The following DCAF6 variants were observed in gnomAD, a reference collection of about 807,000 sequenced individuals.
The protein encoded by DCAF6 is DDB1- and CUL4-associated factor 6.
Under a neutral mutation model 125.1 loss-of-function variants are expected in DCAF6, and 54 were observed. The ratio of observed to expected loss-of-function variants is 0.43; its 90% CI spans 0.35 to 0.54. DCAF6 has a LOEUF of 0.54. DCAF6 is among the 20% of genes least tolerant of loss of function. DCAF6 has a pLI of 0.01. For synonymous variants in DCAF6, 371 were observed against 390.4 expected (o/e 0.95, Z 0.58); for missense variants, 934 against 1,161.7 (o/e 0.80, Z 2.85).
At chr1:167,977,944 A>G (rs1678505695) in intron 4 of DCAF6, among the ~76,000 whole-genome samples, 3 of 152,200 alleles carry the variant, frequency 2.0e-5, no homozygotes, top group African/African-American at 7.2e-5. Context: ...TGTTTTTTCT[A>G]ATACCCCTGT....
intron 11 of DCAF6, among the ~76,000 whole-genome samples, chr1:168,020,823 T>C (rs2103224798): frequency 6.6e-6 from 1 of 152,232 alleles, no homozygotes; most frequent in South Asian, 2.1e-4. Flanking sequence ...AAAAAACATG[T>C]CACTTAAAAT....
chr1:168,028,355 T>G (rs1686614386), intron 12 of DCAF6, among the ~76,000 whole-genome samples: 1 of 152,128 alleles, frequency 6.6e-6, no homozygotes, highest in Admixed American at 6.5e-5. Flanking sequence ...TGAGAGGATA[T>G]AAGAAAGTAA....
chr1:167,885,940 A>C, the DCAF6 span, among the ~76,000 whole-genome samples: 19 of 152,046 alleles, frequency 1.2e-4, no homozygotes, highest in African/African-American at 4.1e-4. Context: ...CCCATTTTTT[A>C]ATCAGATTAT....
chr1:168,038,341 T>G, intron 12 of DCAF6, 30 bp from the exon 13 acceptor site: 2 of 1,528,552 alleles, frequency 1.3e-6, no homozygotes, highest in Non-Finnish European at 1.8e-6. Flanking sequence ...TTTCAGAGAC[T>G]TTTTCAAATG....
intron 12 of DCAF6, among the ~76,000 whole-genome samples, chr1:168,029,776 C>T (rs962019871): frequency 5.9e-5 from 9 of 151,886 alleles, no homozygotes; most frequent in Non-Finnish European, 7.4e-5. Flanking sequence ...GTCAGGAGAT[C>T]GAGGCCATCC....
the DCAF6 span, among the ~76,000 whole-genome samples, chr1:167,916,352 G>A: frequency 1.4e-4 from 22 of 152,178 alleles, no homozygotes; most frequent in Non-Finnish European, 2.5e-4. Flanking sequence ...GATTACAGGC[G>A]TGCGCCACCA....
chr1:167,957,222 A>G (rs1243450259), intron 2 of DCAF6, among the ~76,000 whole-genome samples: 2 of 152,018 alleles, frequency 1.3e-5, no homozygotes, highest in South Asian at 2.1e-4. Flanking sequence ...TAATTCCTCT[A>G]ATTTTATCAT....
chr1:168,008,504 A>G (rs1253055809), intron 10 of DCAF6, among the ~76,000 whole-genome samples: 1 of 151,996 alleles, frequency 6.6e-6, no homozygotes, highest in Non-Finnish European at 1.5e-5. Flanking sequence ...CTTGTCTCCT[A>G]ATTAATCTGC....
intron 13 of DCAF6, 174 bp from the exon 14 acceptor site, chr1:168,042,851 T>G (rs773444009): frequency 1.2e-5 from 6 of 521,048 alleles, no homozygotes; most frequent in Non-Finnish European, 6.9e-6. Context: ...AAGTGTGTTA[T>G]GATAGTCATC....
At chr1:167,898,781 CTCTG>C in the DCAF6 span, among the ~76,000 whole-genome samples, 1 of 152,102 alleles carries the variant, frequency 6.6e-6, no homozygotes, top group African/African-American at 2.4e-5. Context: ...TGCACGGATT[CTCTG>C]TCTTTTCTTT....
At chr1:168,026,582 G>T (rs1371529831) in intron 12 of DCAF6, among the ~76,000 whole-genome samples, 1 of 152,114 alleles carries the variant, frequency 6.6e-6, no homozygotes, top group Non-Finnish European at 1.5e-5. Context: ...GGGACTTTGA[G>T]ACTGATAAGT....
chr1:167,983,980 AC>A (rs1366040365), intron 4 of DCAF6, among the ~76,000 whole-genome samples: 2 of 151,970 alleles, frequency 1.3e-5, no homozygotes, highest in African/African-American at 4.8e-5. Flanking sequence ...TTTGTGACTT[AC>A]AGTGGCTGCG....
the DCAF6 span, chr1:167,899,563 T>C: frequency 1.2e-6 from 2 of 1,614,216 alleles, no homozygotes; most frequent in Non-Finnish European, 1.7e-6. Flanking sequence ...GCCTGACCAA[T>C]CACCAGAAAG....
the DCAF6 span, among the ~76,000 whole-genome samples, chr1:167,907,720 A>C: frequency 3.3e-5 from 5 of 152,254 alleles, no homozygotes; most frequent in Admixed American, 2.6e-4. Flanking sequence ...GCAAGCCAAC[A>C]TTATTTCCTA....
chr1:167,955,026 C>T (rs978120555), intron 2 of DCAF6, among the ~76,000 whole-genome samples: 3 of 152,086 alleles, frequency 2.0e-5, no homozygotes. Flanking sequence ...GACTATGTAT[C>T]CTTTTTTCAT....
chr1:167,910,180 G>A, the DCAF6 span, among the ~76,000 whole-genome samples: 1 of 152,176 alleles, frequency 6.6e-6, no homozygotes, highest in Non-Finnish European at 1.5e-5. Flanking sequence ...GGCTCGTCCT[G>A]CTACAATGGT....
chr1:167,875,250 G>T, the DCAF6 span: 1 of 1,516,152 alleles, frequency 6.6e-7, no homozygotes, highest in Non-Finnish European at 9.2e-7. Context: ...GAGCAAGAGT[G>T]ATTAGTTCTT....
chr1:168,007,099 A>G (rs972662122), intron 10 of DCAF6, among the ~76,000 whole-genome samples: 2 of 152,168 alleles, frequency 1.3e-5, no homozygotes, highest in Admixed American at 1.3e-4. Flanking sequence ...TCCAGATTCT[A>G]ACCTTTCATT....
chr1:167,928,453 T>A, the DCAF6 span, among the ~76,000 whole-genome samples: 2 of 152,184 alleles, frequency 1.3e-5, no homozygotes, highest in East Asian at 3.9e-4. Flanking sequence ...ATATGTCAAA[T>A]AAAGCTAGAC....
Sources: allele counts gnomAD v4.1 joint callset (sites outside exome capture counted in the v4.1 genomes callset), GRCh38; gene constraint gnomAD v4.1.1; transcripts MANE v1.5; gene names NCBI Gene and HGNC (gene_info 2026-07-23, HGNC 2026-07-21).